Variants in EFR3A observed in about 807,000 individuals in gnomAD.
The protein encoded by EFR3A is EFR3 homolog A.
In EFR3A, 76 loss-of-function variants were observed where a neutral mutation model predicts 104.4. That is an observed-to-expected ratio of 0.73 (90% CI 0.60 to 0.88). EFR3A has a LOEUF of 0.88. Among genes scored for constraint, EFR3A ranks in the 40% least tolerant of loss-of-function variants. The pLI is 0.00. For missense variants in EFR3A, 985 were observed against 1,012.5 expected (o/e 0.97, Z 0.37); for synonymous variants, 330 against 330.0 (o/e 1.00, Z 0.00).
At chr8:132,004,207 C>G (rs1391892627) in intron 22 of EFR3A, among the ~76,000 whole-genome samples, 1 of 152,120 alleles carries the variant, frequency 6.6e-6, no homozygotes, top group South Asian at 2.1e-4. Context: ...AATTTAAGAA[C>G]AGAAAATCAG....
intron 1 of EFR3A, among the ~76,000 whole-genome samples, chr8:131,916,249 G>C (rs932238129): frequency 2.0e-5 from 3 of 152,220 alleles, no homozygotes; most frequent in Non-Finnish European, 2.9e-5. Context: ...AAATACAGTA[G>C]TCTAATTGGT....
chr8:131,987,707 G>C lies in EFR3A; in HGVS notation c.2065+5G>C, dbSNP rs370281824. The C allele has an allele frequency of 3.2e-6, 5 of 1,580,914 alleles. No homozygotes were observed. The highest frequency in any genetic ancestry group is 8.6e-7 in the Non-Finnish European group (1 of 1,163,650). On this transcript the variant is annotated splice_donor_5th_base_variant and intron_variant, in intron 18 of 22. Coordinates refer to ENST00000254624, the MANE Select transcript of EFR3A (RefSeq NM_015137.6). Reference sequence around the variant, plus strand: ...CGTATGTACCACAAGTAACAGGTAAGAGGAGGATAATTAGAACTTTCACTC... The same window carrying C: ...CGTATGTACCACAAGTAACAGGTAACAGGAGGATAATTAGAACTTTCACTC...
chr8:131,909,045 C>A (rs1476401189), intron 1 of EFR3A, among the ~76,000 whole-genome samples: 2 of 152,168 alleles, frequency 1.3e-5, no homozygotes, highest in Non-Finnish European at 2.9e-5. Flanking sequence ...TTGTTATTAA[C>A]TATAGTCATC....
At chr8:131,994,053 A>G (rs1462563740) in intron 18 of EFR3A, among the ~76,000 whole-genome samples, 4 of 152,066 alleles carry the variant, frequency 2.6e-5, no homozygotes, top group African/African-American at 9.7e-5. Context: ...TGTGTATAAC[A>G]AACCTGCGCA....
At position 131,959,570 on chromosome 8, in the gene EFR3A, T is replaced by G. The variant is rs1294450039; in HGVS notation, c.777-15T>G. 3 of 1,605,378 alleles carry G rather than the reference T, an allele frequency of 1.9e-6. No individual in the cohort carries two copies. The highest frequency in any genetic ancestry group is 2.6e-6 in the Non-Finnish European group (3 of 1,175,878). On this transcript the variant is annotated splice_polypyrimidine_tract_variant and intron_variant, in intron 7 of 22. Coordinates refer to ENST00000254624, the MANE Select transcript of EFR3A (RefSeq NM_015137.6). ...GTAAAATAGAGAATTTTAAAGTAAT[T>G]TTTGTTATTTGCAGGCATTTAGATC...
Position 131,984,270 on chromosome 8 carries a change from T to C in EFR3A, c.1707T>C (p.Ile569=). 6.2e-7 allele frequency: 1 copy of C among 1,606,228 alleles called. No homozygotes were observed. Residue 569 remains isoleucine, a synonymous_variant, in exon 15 of 23, where the codon ATT becomes ATC. Transcript: ENST00000254624. ...TIELANEEVV[I]DLIRLAIALQ... ...AACTGGCTAATGAAGAAGTAGTTAT[T>C]GATCTCATTCGACTGGCCATTGCTT... is the stretch of plus-strand genomic sequence containing the variant.
At chr8:131,983,900 A>G (rs578086454) in intron 14 of EFR3A, among the ~76,000 whole-genome samples, 3 of 152,186 alleles carry the variant, frequency 2.0e-5, no homozygotes, top group African/African-American at 7.2e-5. Context: ...CACAGGAACT[A>G]TTTTTTACTG....
At chr8:132,000,871 G>C (rs942590069) in intron 19 of EFR3A, 1 of 152,126 alleles carries the variant, frequency 6.6e-6, no homozygotes, top group African/African-American at 2.4e-5. Context: ...TTGATTTCCA[G>C]CTAAAGCCTT....
chr8:131,980,274 A>G (rs547724435), intron 14 of EFR3A, among the ~76,000 whole-genome samples: 1 of 152,066 alleles, frequency 6.6e-6, no homozygotes, highest in Non-Finnish European at 1.5e-5. Context: ...CTTTACCATT[A>G]CTATTGATTG....
At chr8:131,943,901 G>A (rs1335527648) in intron 2 of EFR3A, among the ~76,000 whole-genome samples, 4 of 151,850 alleles carry the variant, frequency 2.6e-5, no homozygotes, top group Non-Finnish European at 5.9e-5. Flanking sequence ...GAGGAGAGAG[G>A]CACCAAAGTA....
At chr8:132,007,175 G>A (rs1173162785) in intron 22 of EFR3A, among the ~76,000 whole-genome samples, 1 of 151,740 alleles carries the variant, frequency 6.6e-6, no homozygotes, top group Non-Finnish European at 1.5e-5. Flanking sequence ...ATAAAGATGA[G>A]AAAGGAAGAA....
chr8:131,939,447 A>G (rs897787138), intron 1 of EFR3A, among the ~76,000 whole-genome samples: 1 of 152,178 alleles, frequency 6.6e-6, no homozygotes, highest in African/African-American at 2.4e-5. Context: ...GGTTACATTT[A>G]TATTTCAAGC....
At chr8:132,005,866 TAGCAAGTGTAAGTAAATGTCAGGA>T (rs1157554381) in intron 22 of EFR3A, among the ~76,000 whole-genome samples, 15 of 152,264 alleles carry the variant, frequency 9.9e-5, no homozygotes, top group East Asian at 3.9e-4. Flanking sequence ...TGTGGGACTA[TAGCAAGTGTAAGTAAATGTCAGGA>T]AACTGACATG....
chr8:132,002,577 A>G (rs1387405554), intron 20 of EFR3A, 26 bp from the exon 21 acceptor site: 4 of 1,567,440 alleles, frequency 2.6e-6, no homozygotes, highest in African/African-American at 2.7e-5. Flanking sequence ...ATTCCCTTTA[A>G]TAAGTCTTTA....
intron 1 of EFR3A, among the ~76,000 whole-genome samples, chr8:131,918,046 T>C (rs1282636273): frequency 1.3e-5 from 2 of 152,172 alleles, no homozygotes; most frequent in East Asian, 1.9e-4. Flanking sequence ...CCTAGCACTT[T>C]GGAAGGCAGA....
intron 7 of EFR3A, among the ~76,000 whole-genome samples, chr8:131,956,698 G>T (rs1009860438): frequency 1.3e-5 from 2 of 152,044 alleles, no homozygotes; most frequent in Non-Finnish European, 2.9e-5. Flanking sequence ...AGAGTTCAAA[G>T]TTGAGCCTTA....
chr8:131,959,331 CA>C (rs906617543), intron 7 of EFR3A, among the ~76,000 whole-genome samples: 2 of 152,000 alleles, frequency 1.3e-5, no homozygotes, highest in Non-Finnish European at 2.9e-5. Context: ...TAAATCACAA[CA>C]TTAAAAAAAT....
At chr8:131,971,613 G>A (rs537048259) in intron 10 of EFR3A, among the ~76,000 whole-genome samples, 20 of 151,858 alleles carry the variant, frequency 1.3e-4, no homozygotes, top group South Asian at 8.3e-4. Context: ...GCGTGAACCC[G>A]GGAGGCAGAG....
At chr8:131,927,747 A>G (rs911958911) in intron 1 of EFR3A, among the ~76,000 whole-genome samples, 7 of 152,004 alleles carry the variant, frequency 4.6e-5, no homozygotes, top group African/African-American at 1.7e-4. Context: ...ACAATTTACA[A>G]CTTCTTTTGT....
Sources: gnomAD v4.1 joint callset for allele counts (sites outside exome capture counted in the v4.1 genomes callset) on GRCh38, gnomAD v4.1.1 for gene constraint, MANE v1.5 for transcripts, NCBI Gene and HGNC (gene_info 2026-07-23, HGNC 2026-07-21) for gene names.